The following CSMD1 variants were observed in gnomAD, a reference collection of about 807,000 sequenced individuals.
CSMD1 encodes CUB and sushi domain-containing protein 1.
In CSMD1, 213 loss-of-function variants were observed where a neutral mutation model predicts 417.5. That is an observed-to-expected ratio of 0.51 (90% CI 0.46 to 0.57). CSMD1 has a LOEUF of 0.57. Ranked by LOEUF, CSMD1 falls within the 20% of genes least tolerant of loss-of-function variation. CSMD1 has a pLI of 0.00. For synonymous variants in CSMD1, 2,862 were observed against 1,736.8 expected (o/e 1.65, Z -16.11); for missense variants, 6,923 against 4,529.7 (o/e 1.53, Z -15.17).
chr8:4,369,585 T>C (rs1802284458), intron 3 of CSMD1, among the ~76,000 whole-genome samples: 1 of 152,254 alleles, frequency 6.6e-6, no homozygotes, highest in African/African-American at 2.4e-5. Flanking sequence ...AGTCTGTCTG[T>C]AGATCTCTAT....
chr8:3,790,660 T>C (rs1214783285), intron 5 of CSMD1, among the ~76,000 whole-genome samples: 1 of 152,180 alleles, frequency 6.6e-6, no homozygotes, highest in Admixed American at 6.5e-5. Context: ...TGGGATTTTG[T>C]TGTTGTTGTT....
chr8:3,954,889 T>C (rs1352674174), intron 5 of CSMD1, among the ~76,000 whole-genome samples: 1 of 152,132 alleles, frequency 6.6e-6, no homozygotes, highest in Non-Finnish European at 1.5e-5. Context: ...TGGTGGAGGG[T>C]ACGTGGAAAC....
chr8:4,455,178 A>C (rs1799392378), intron 2 of CSMD1, among the ~76,000 whole-genome samples: 1 of 151,464 alleles, frequency 6.6e-6, no homozygotes, highest in African/African-American at 2.4e-5. Context: ...TCAGAATTAA[A>C]GATGCAACAA....
intron 26 of CSMD1, among the ~76,000 whole-genome samples, chr8:3,246,171 C>A (rs997902551): frequency 6.6e-5 from 10 of 152,066 alleles, no homozygotes; most frequent in Non-Finnish European, 1.2e-4. Context: ...ATCACTCTAG[C>A]TCCACACCTG....
chr8:4,731,422 G>A (rs1158571754), intron 1 of CSMD1, among the ~76,000 whole-genome samples: 2 of 152,124 alleles, frequency 1.3e-5, no homozygotes, highest in Non-Finnish European at 2.9e-5. Flanking sequence ...TTCCGTATTG[G>A]AGTATCTTGG....
chr8:3,283,290 A>C (rs541307302), intron 26 of CSMD1, among the ~76,000 whole-genome samples: 32 of 152,240 alleles, frequency 2.1e-4, no homozygotes, highest in African/African-American at 7.7e-4. Flanking sequence ...ACATAAAGAA[A>C]GTGTCAGACT....
intron 3 of CSMD1, among the ~76,000 whole-genome samples, chr8:4,414,784 T>A: frequency 6.6e-6 from 1 of 152,212 alleles, no homozygotes; most frequent in East Asian, 1.9e-4. Flanking sequence ...ATGTATCATG[T>A]GCCAAGTGTC....
chr8:3,281,444 A>T (rs1314538812), intron 26 of CSMD1, among the ~76,000 whole-genome samples: 5 of 152,162 alleles, frequency 3.3e-5, no homozygotes, highest in Non-Finnish European at 1.5e-5. Flanking sequence ...ACTCCATCTC[A>T]AGGAAAAAAA....
chr8:3,397,319 A>C (rs911544629), intron 16 of CSMD1, among the ~76,000 whole-genome samples: 2 of 152,144 alleles, frequency 1.3e-5, no homozygotes, highest in African/African-American at 4.8e-5. Flanking sequence ...TTGGGAGAAA[A>C]CTTGGGAGAG....
At chr8:3,964,048 G>A (rs1585042988) in intron 5 of CSMD1, among the ~76,000 whole-genome samples, 1 of 152,272 alleles carries the variant, frequency 6.6e-6, no homozygotes, top group African/African-American at 2.4e-5. Flanking sequence ...TACTTTCATT[G>A]ATAGCACAGC....
intron 6 of CSMD1, among the ~76,000 whole-genome samples, chr8:3,713,328 T>A (rs566025946): frequency 2.0e-5 from 3 of 152,224 alleles, no homozygotes; most frequent in South Asian, 4.1e-4. Flanking sequence ...ATTACTATAT[T>A]TGAATGGCAG....
chr8:3,583,417 T>C (rs539045665), intron 9 of CSMD1, among the ~76,000 whole-genome samples: 4 of 152,012 alleles, frequency 2.6e-5, no homozygotes, highest in African/African-American at 7.2e-5. Context: ...AAGGATACTC[T>C]TGATGGGACT....
At chr8:4,840,945 C>T (rs1800805024) in intron 1 of CSMD1, among the ~76,000 whole-genome samples, 1 of 152,210 alleles carries the variant, frequency 6.6e-6, no homozygotes, top group Non-Finnish European at 1.5e-5. Flanking sequence ...CTAATCTATA[C>T]TTTTAAAAAA....
At chr8:3,832,744 T>C (rs948719829) in intron 5 of CSMD1, among the ~76,000 whole-genome samples, 1 of 152,160 alleles carries the variant, frequency 6.6e-6, no homozygotes, top group Non-Finnish European at 1.5e-5. Context: ...TGACTTCTGA[T>C]AACTAAAATA....
Position 4,745,045 on chromosome 8 carries a change from CT to C in CSMD1, c.86-107488del, listed in dbSNP as rs369793803. Among the ~76,000 whole-genome samples, 105 of 152,108 alleles carry C rather than the reference CT, an allele frequency of 6.9e-4. 1 individual carries two copies. In the East Asian group the frequency reaches 0.011, roughly 16 times the overall value. On this transcript the variant is annotated intron_variant, in intron 1 of 69. Coordinates refer to ENST00000635120, the MANE Select transcript of CSMD1 (RefSeq NM_033225.6). ...GTGTTAAATTGAACTAATATATATT[CT>C]TTTTTATATAAATTTAGTTTTTGGT...
chr8:4,580,334 C>T (rs1218332667), intron 2 of CSMD1, among the ~76,000 whole-genome samples: 1 of 152,108 alleles, frequency 6.6e-6, no homozygotes, highest in Non-Finnish European at 1.5e-5. Context: ...AGACATGAGC[C>T]CTGTATCATA....
chr8:4,650,579 A>G (rs1003845725), intron 1 of CSMD1, among the ~76,000 whole-genome samples: 35 of 152,076 alleles, frequency 2.3e-4, no homozygotes, highest in African/African-American at 7.7e-4. Flanking sequence ...TTGAAACTCC[A>G]CGGAGAATTC....
chr8:4,512,678 AC>A (rs1336056036), intron 2 of CSMD1, among the ~76,000 whole-genome samples: 6 of 152,136 alleles, frequency 3.9e-5, no homozygotes, highest in Admixed American at 2.0e-4. Flanking sequence ...ATATAATAAT[AC>A]CATTTACATT....
intron 29 of CSMD1, among the ~76,000 whole-genome samples, chr8:3,215,564 CA>C (rs1276916942): frequency 6.6e-6 from 1 of 152,226 alleles, no homozygotes; most frequent in Non-Finnish European, 1.5e-5. Flanking sequence ...TGGGGCCCCT[CA>C]ATTAGGCATT....
Sources: allele counts gnomAD v4.1 joint callset (sites outside exome capture counted in the v4.1 genomes callset), GRCh38; gene constraint gnomAD v4.1.1; transcripts MANE v1.5; gene names NCBI Gene and HGNC (gene_info 2026-07-23, HGNC 2026-07-21).